Variants in SH3TC2 observed in about 807,000 individuals in gnomAD.
SH3TC2 encodes the protein SH3 domain and tetratricopeptide repeat-containing protein 2.
A neutral mutation model predicts 124.5 loss-of-function variants in SH3TC2; 87 were observed. That is an observed-to-expected ratio of 0.70 (90% confidence interval 0.59 to 0.84). The LOEUF (loss-of-function observed/expected upper bound fraction) is 0.84, where lower values mean the gene tolerates loss of function less well. Among genes scored for constraint, SH3TC2 ranks in the 40% least tolerant of loss-of-function variants. SH3TC2 has a pLI of 0.00. For synonymous variants in SH3TC2, 634 were observed against 628.5 expected (o/e 1.01, Z -0.13); for missense variants, 1,536 against 1,566.4 (o/e 0.98, Z 0.33).
intron 12 of SH3TC2, among the ~76,000 whole-genome samples, chr5:149,018,577 C>G (rs1753913933): frequency 6.6e-6 from 1 of 152,124 alleles, no homozygotes; most frequent in Admixed American, 6.5e-5. Context: ...TATTCACTAC[C>G]ATGAGAAGAG....
Position 149,025,420 on chromosome 5 carries a change from A to AT in SH3TC2, c.3053+1151_3053+1152insA, listed in dbSNP as rs147704346. ...ACCATGTTGCTTAGAAATGCAAAAA[A>AT]ATATATATATAGTCATTTAATTACC... On this transcript the variant is annotated intron_variant, in intron 12 of 16. Coordinates refer to ENST00000515425, the MANE Select transcript of SH3TC2 (RefSeq NM_024577.4). Among the ~76,000 whole-genome samples the AT allele has an allele frequency of 5.0e-3, 754 of 152,274 alleles. 10 individuals are homozygous for AT. The highest frequency in any genetic ancestry group is 0.017 in the African/African-American group (714 of 41,556).
At chr5:149,039,568 G>A (rs1018294875) in intron 7 of SH3TC2, among the ~76,000 whole-genome samples, 6 of 152,180 alleles carry the variant, frequency 3.9e-5, no homozygotes, top group Non-Finnish European at 4.4e-5. Context: ...TTTGTGGGTC[G>A]ATGGGATCTA....
Position 149,041,630 on chromosome 5 carries a change from A to G in SH3TC2, c.530-13T>C. Reference sequence around the variant, plus strand: ...CAGAAGAAGTGGCCTGTGGATAATGAGAAAAGCAATGGCTTTCTAAGGAGT... The same window carrying G: ...CAGAAGAAGTGGCCTGTGGATAATGGGAAAAGCAATGGCTTTCTAAGGAGT... On this transcript the variant is annotated splice_polypyrimidine_tract_variant and intron_variant, in intron 5 of 16. Transcript: ENST00000515425. The G allele has an allele frequency of 6.2e-7, 1 of 1,614,044 alleles. No individual in the cohort carries two copies. Among genetic ancestry groups the G allele is most frequent in the Non-Finnish European group, 8.5e-7 (1 of 1,179,958 alleles).
At position 148,999,367 on chromosome 5, in the gene SH3TC2, G is replaced by T. The variant is rs977163557; in HGVS notation, c.*5344C>A. On this transcript the variant is annotated 3_prime_UTR_variant, in exon 17 of 17. Transcript: ENST00000515425. ...AGGGAAGTTAATTAATTTGCAGAAGGTCACACAGCTAGTAAGAAACAGATT... is the reference window on the plus strand; with the variant it reads ...AGGGAAGTTAATTAATTTGCAGAAGTTCACACAGCTAGTAAGAAACAGATT... Among the ~76,000 whole-genome samples, 3 of 152,156 alleles carry T rather than the reference G, an allele frequency of 2.0e-5. No homozygotes were observed. Among genetic ancestry groups the T allele is most frequent in the African/African-American group, 7.2e-5 (3 of 41,420 alleles).
intron 8 of SH3TC2, among the ~76,000 whole-genome samples, chr5:149,036,799 T>G (rs1277958808): frequency 6.6e-6 from 1 of 152,144 alleles, no homozygotes; most frequent in Non-Finnish European, 1.5e-5. Flanking sequence ...CACAACAGCC[T>G]CTGGAGGCAG....
rs1277050842 is a variant in SH3TC2, at chr5:148,990,096, T to C, written c.*14615A>G. ...GCTTTCTCTCATGGGTGAACCATCCTGGGGAAACTGAGATAGCCCCAAAGT... is the reference window on the plus strand; with the variant it reads ...GCTTTCTCTCATGGGTGAACCATCCCGGGGAAACTGAGATAGCCCCAAAGT... On this transcript the variant is annotated 3_prime_UTR_variant, in exon 17 of 17. Transcript: ENST00000515425. 6.6e-6 allele frequency among the ~76,000 whole-genome samples: 1 copy of C among 152,094 alleles called. No homozygotes were observed. Among genetic ancestry groups the C allele is most frequent in the African/African-American group, 2.4e-5 (1 of 41,408 alleles).
chr5:149,004,800 T>A lies in SH3TC2; in HGVS notation c.3778A>T (p.Ile1260Phe), dbSNP rs761414208. ...QDTIRSRLDN[I>F]CQSPLWHSRP... The stretch of plus-strand genomic sequence containing the variant: ...CTGTGCCACAGGGGGCTCTGGCAGA[T>A]GTTGTCCAGCCTGCTCCTAATGGTG... Residue 1260 changes from isoleucine (I) to phenylalanine (F), a missense_variant, in exon 17 of 17, where the codon ATC becomes TTC. Transcript: ENST00000515425. 6.2e-7 allele frequency: 1 copy of A among 1,614,116 alleles called. No homozygotes were observed. Among genetic ancestry groups the A allele is most frequent in the Admixed American group, 1.7e-5 (1 of 60,020 alleles).
At chr5:149,007,180 G>C (rs778263936) in intron 15 of SH3TC2, 103 bp from the exon 16 acceptor site, 5 of 1,071,148 alleles carry the variant, frequency 4.7e-6, no homozygotes, top group Non-Finnish European at 7.2e-6. Flanking sequence ...CTAGATGTCA[G>C]GGACTGTGCT....
At chr5:149,008,788 T>G (rs1156963284) in intron 15 of SH3TC2, 63 bp downstream of exon 15, 1 of 1,609,036 alleles carries the variant, frequency 6.2e-7, no homozygotes, top group Non-Finnish European at 8.5e-7. Flanking sequence ...GTTATTGCTT[T>G]GCTGTCTATC....
chr5:148,992,218 A>G lies in SH3TC2; in HGVS notation c.*12493T>C, dbSNP rs2127388369. 6.6e-6 allele frequency among the ~76,000 whole-genome samples: 1 copy of G among 152,358 alleles called. No individual in the cohort carries two copies. The highest frequency in any genetic ancestry group is 1.9e-4 in the East Asian group (1 of 5,186). On this transcript the variant is annotated 3_prime_UTR_variant, in exon 17 of 17. Coordinates refer to ENST00000515425, the MANE Select transcript of SH3TC2 (RefSeq NM_024577.4). ...CAGAAATGGAGGCCCAGAATGGTTAAGTGCCTTGCCCAAGGTCATGCACAC... is the reference window on the plus strand; with the variant it reads ...CAGAAATGGAGGCCCAGAATGGTTAGGTGCCTTGCCCAAGGTCATGCACAC...
Position 149,026,601 on chromosome 5 carries a change from C to T in SH3TC2, c.3024G>A (p.Gly1008=), listed in dbSNP as rs771710493. 3.1e-6 allele frequency: 5 copies of T among 1,614,064 alleles called. No homozygotes were observed. In the East Asian group the frequency reaches 1.1e-4, roughly 36 times the overall value. ...EMEGRLLESL[G]QLYRNLNTAR... is the part of the protein sequence containing the mutation. ...CGGTATTTAGGTTCCGATAAAGCTG[C>T]CCCAGGGACTCCAGCAGCCTCCCTT... The change falls in exon 12 of 17, where the codon GGG becomes GGA. Residue 1008 remains glycine (G), a synonymous_variant. Transcript: ENST00000515425.
Position 148,992,452 on chromosome 5 carries a change from T to C in SH3TC2, c.*12259A>G, listed in dbSNP as rs745868330. Among the ~76,000 whole-genome samples the C allele has an allele frequency of 6.6e-6, 1 of 152,182 alleles. No individual in the cohort carries two copies. The highest frequency in any genetic ancestry group is 1.5e-5 in the Non-Finnish European group (1 of 68,020). ...ACATATATAACACCTACCTAAGCCC[T>C]AGCATGTCAACCCTGGACAGGTCCT... On this transcript the variant is annotated 3_prime_UTR_variant, in exon 17 of 17. Coordinates refer to ENST00000515425, the MANE Select transcript of SH3TC2 (RefSeq NM_024577.4).
chr5:149,036,027 C>T (rs558672554), intron 8 of SH3TC2: 40 of 152,354 alleles, frequency 2.6e-4, no homozygotes, highest in African/African-American at 9.1e-4. Context: ...CACACACACA[C>T]ACTGTGCCAG....
chr5:149,049,176 G>A (rs949951716), intron 2 of SH3TC2, among the ~76,000 whole-genome samples: 30 of 152,296 alleles, frequency 2.0e-4, no homozygotes, highest in African/African-American at 6.7e-4. Context: ...TAAACTTCAC[G>A]TGGGTGTTTG....
rs1754353034 is a variant in SH3TC2 at position 149,040,604 on chromosome 5, C to G, written c.805G>C (p.Gly269Arg). Residue 269 changes from glycine (G) to arginine (R), a missense_variant and splice_region_variant, in exon 7 of 17, where the codon GGC becomes CGC. By Grantham distance (125) the Gly-to-Arg change is moderately radical. Transcript: ENST00000515425. ...KRDWTGSYQI[G>R]RGRCKALTGY... ...TACTATGTTTTTGACTCAGCCATAC[C>G]AATCTGATAGGAGCCTGTCCAATCC... 6.2e-7 allele frequency: 1 copy of G among 1,613,516 alleles called. No homozygotes were observed. The highest frequency in any genetic ancestry group is 8.5e-7 in the Non-Finnish European group (1 of 1,179,564).
At chr5:149,013,395 T>C (rs1475393994) in intron 12 of SH3TC2, among the ~76,000 whole-genome samples, 1 of 152,200 alleles carries the variant, frequency 6.6e-6, no homozygotes, top group Non-Finnish European at 1.5e-5. Context: ...TCCCCAGCCA[T>C]ATGGAACTGT....
intron 12 of SH3TC2, among the ~76,000 whole-genome samples, chr5:149,020,945 A>C (rs1753958189): frequency 6.6e-6 from 1 of 152,148 alleles, no homozygotes; most frequent in Non-Finnish European, 1.5e-5. Flanking sequence ...TAGACCTAAA[A>C]GATATTTATA....
chr5:149,010,993 C>G (rs954837858), intron 13 of SH3TC2, among the ~76,000 whole-genome samples: 2 of 152,236 alleles, frequency 1.3e-5, no homozygotes, highest in African/African-American at 4.8e-5. Context: ...TCTTCCATCC[C>G]AGTACCCTAA....
rs978090548 is a variant in SH3TC2 at position 148,987,269 on chromosome 5, A to C, written c.*17442T>G. 2.1e-4 allele frequency among the ~76,000 whole-genome samples: 32 copies of C among 152,262 alleles called. No homozygotes were observed. The highest frequency in any genetic ancestry group is 7.0e-4 in the African/African-American group (29 of 41,478). On this transcript the variant is annotated 3_prime_UTR_variant, in exon 17 of 17. Coordinates refer to ENST00000515425, the MANE Select transcript of SH3TC2 (RefSeq NM_024577.4). ...ACAAAGATTGGTTCTATCTGTCACC[A>C]TTGGGAATGTTCAGGAATATTCTCA...
Sources: allele counts gnomAD v4.1 joint callset (sites outside exome capture counted in the v4.1 genomes callset), GRCh38; gene constraint gnomAD v4.1.1; transcripts MANE v1.5; gene names NCBI Gene and HGNC (gene_info 2026-07-23, HGNC 2026-07-21).